The following SIK3 variants were observed in gnomAD, a reference collection of about 807,000 sequenced individuals.
SIK3 encodes the protein serine/threonine-protein kinase SIK3.
SIK3 carries 28 observed loss-of-function variants against 144.2 expected under a neutral mutation model. The observed-to-expected ratio is 0.19, with a 90% confidence interval of 0.14 to 0.27. The LOEUF (loss-of-function observed/expected upper bound fraction) is 0.27. Ranked by LOEUF, SIK3 falls within the 10% of genes least tolerant of loss-of-function variation. The pLI, the probability that SIK3 is intolerant of heterozygous loss-of-function variation, is 1.00. For missense variants in SIK3, 1,319 were observed against 1,776.0 expected (o/e 0.74, Z 4.62); for synonymous variants, 686 against 676.3 (o/e 1.01, Z -0.22).
chr11:117,033,925 CATAA>C (rs1207441948), intron 1 of SIK3, among the ~76,000 whole-genome samples: 2 of 152,048 alleles, frequency 1.3e-5, no homozygotes, highest in Admixed American at 1.3e-4. Flanking sequence ...AGGAATCTCA[CATAA>C]ATAATGTAAT....
intron 1 of SIK3, among the ~76,000 whole-genome samples, chr11:117,023,625 T>A (rs201596234): frequency 0.02 from 2,337 of 114,962 alleles, 61 homozygotes; most frequent in East Asian, 0.1. Flanking sequence ...AAAAAAAATA[T>A]ATATATATAT....
chr11:116,905,369 A>G lies in SIK3; in HGVS notation c.617-8052T>C, dbSNP rs1260266313. On this transcript the variant is annotated intron_variant, in intron 4 of 24. Transcript: ENST00000445177. ...TCCATTCATCATCTGTTGAACATTC[A>G]GGTTGTTTCCACTTTGCAGCGACTA... 2.6e-5 allele frequency among the ~76,000 whole-genome samples: 4 copies of G among 152,188 alleles called. No individual in the cohort carries two copies. In the South Asian group the frequency reaches 8.3e-4, roughly 31 times the overall value.
intron 3 of SIK3, among the ~76,000 whole-genome samples, chr11:116,940,179 A>C (rs965996561): frequency 6.6e-6 from 1 of 152,188 alleles, no homozygotes; most frequent in African/African-American, 2.4e-5. Flanking sequence ...TTTTCAGAGA[A>C]AGTAAATGTT....
chr11:116,967,053 T>C (rs953528103), intron 1 of SIK3, among the ~76,000 whole-genome samples: 8 of 150,386 alleles, frequency 5.3e-5, no homozygotes, highest in African/African-American at 2.0e-4. Context: ...AAAGAAACTT[T>C]AGTCCCAGGA....
At chr11:116,896,174 A>T (rs1054740182) in intron 6 of SIK3, 79 bp downstream of exon 6, 7 of 1,577,016 alleles carry the variant, frequency 4.4e-6, no homozygotes, top group Non-Finnish European at 6.1e-6. Context: ...TTTATACTCC[A>T]TCACTAAATT....
intron 3 of SIK3, 75 bp from the exon 4 acceptor site, chr11:116,927,455 C>CCCCTTG: frequency 7.0e-7 from 1 of 1,432,238 alleles, no homozygotes; most frequent in Non-Finnish European, 9.6e-7. Context: ...TTAAGGAGGG[C>CCCCTTG]TACAAGGGGC....
chr11:116,962,943 T>C (rs751931351), intron 1 of SIK3, among the ~76,000 whole-genome samples: 6 of 152,138 alleles, frequency 3.9e-5, no homozygotes, highest in African/African-American at 1.4e-4. Context: ...GTGCCCTCTT[T>C]CTCTTGGACG....
At position 117,069,232 on chromosome 11, in the gene SIK3, T is replaced by C. The variant is rs867908964; in HGVS notation, c.273+28911A>G. Among the ~76,000 whole-genome samples the C allele has an allele frequency of 3.3e-5, 5 of 150,126 alleles. No homozygotes were observed. The South Asian group carries it at 1.1e-3, about 32-fold the overall frequency. ...GTTATTTTATGGAAATTTTCAAACA[T>C]ATATATAAGTAGAAAGAAATAATAC... On this transcript the variant is annotated intron_variant, in intron 1 of 24. Transcript: ENST00000445177.
At chr11:116,883,309 A>C (rs1269473268) in intron 6 of SIK3, among the ~76,000 whole-genome samples, 1 of 152,238 alleles carries the variant, frequency 6.6e-6, no homozygotes, top group African/African-American at 2.4e-5. Flanking sequence ...TTCCTCATGA[A>C]AAGAAAATAA....
At chr11:116,911,767 G>A (rs1946360199) in intron 4 of SIK3, among the ~76,000 whole-genome samples, 1 of 151,986 alleles carries the variant, frequency 6.6e-6, no homozygotes, top group African/African-American at 2.4e-5. Flanking sequence ...ACATCATCTT[G>A]AACAATAAGA....
chr11:117,013,972 C>CTTTTCTT (rs1951409266), intron 1 of SIK3, among the ~76,000 whole-genome samples: 1 of 27,044 alleles, frequency 3.7e-5, no homozygotes, highest in African/African-American at 1.1e-4. Flanking sequence ...TTTTTCTTTT[C>CTTTTCTT]TTTTTTTTTT....
rs528432131 is a variant in SIK3 at position 117,013,413 on chromosome 11, G to C, written c.274-56349C>G. Among the ~76,000 whole-genome samples, 308 of 152,202 alleles carry C rather than the reference G, an allele frequency of 2.0e-3. 2 individuals carry two copies. Among genetic ancestry groups the C allele is most frequent in the African/African-American group, 6.9e-3 (287 of 41,512 alleles). ...GACCCACTTGAACCCAGGAGGCAGG[G>C]GTTGCAGTGAGCCAAGCCTGTGCCA... On this transcript the variant is annotated intron_variant, in intron 1 of 24. Coordinates refer to ENST00000445177, the MANE Select transcript of SIK3 (RefSeq NM_001366686.3).
chr11:116,896,530 T>G (rs1403102215), intron 5 of SIK3, among the ~76,000 whole-genome samples, 154 bp from the exon 6 acceptor site: 21 of 152,258 alleles, frequency 1.4e-4, no homozygotes, highest in Admixed American at 1.4e-3. Context: ...TCTTCTTTGC[T>G]TCTAGGCATT....
At chr11:116,977,546 T>A (rs1949992096) in intron 1 of SIK3, among the ~76,000 whole-genome samples, 1 of 152,194 alleles carries the variant, frequency 6.6e-6, no homozygotes. Flanking sequence ...GTGTAATTAT[T>A]GGGTTTCACA....
At chr11:117,008,003 G>T (rs557445530) in intron 1 of SIK3, among the ~76,000 whole-genome samples, 1 of 145,256 alleles carries the variant, frequency 6.9e-6, no homozygotes, top group African/African-American at 2.6e-5. Context: ...TTGAACCCGG[G>T]TAGCAGAAGC....
chr11:117,062,555 A>G (rs1953842459), intron 1 of SIK3, among the ~76,000 whole-genome samples: 3 of 152,218 alleles, frequency 2.0e-5, no homozygotes, highest in African/African-American at 7.2e-5. Flanking sequence ...ATAGTAACAG[A>G]CAGCAATTGT....
intron 6 of SIK3, 138 bp from the exon 7 acceptor site, chr11:116,877,180 A>C (rs1219413244): frequency 1.4e-6 from 1 of 715,462 alleles, no homozygotes; most frequent in Non-Finnish European, 2.5e-6. Context: ...TTTGATCCTT[A>C]CCTATTCTGT....
intron 1 of SIK3, among the ~76,000 whole-genome samples, chr11:117,023,615 A>ATATATATATAT (rs1555131677): frequency 1.9e-5 from 2 of 104,006 alleles, no homozygotes; most frequent in Admixed American, 1.7e-4. Flanking sequence ...CAAACAAAAA[A>ATATATATATAT]AAAAAAATAT....
chr11:117,003,484 TA>T (rs547543805), intron 1 of SIK3, among the ~76,000 whole-genome samples: 43 of 146,042 alleles, frequency 2.9e-4, no homozygotes, highest in Middle Eastern at 3.5e-3. Flanking sequence ...CAGGATGAAA[TA>T]AAAAAAAAAA....
Sources: gnomAD v4.1 joint callset for allele counts (sites outside exome capture counted in the v4.1 genomes callset) on GRCh38, gnomAD v4.1.1 for gene constraint, MANE v1.5 for transcripts, NCBI Gene and HGNC (gene_info 2026-07-23, HGNC 2026-07-21) for gene names.